Variants in PCDH15 observed in about 807,000 individuals in gnomAD.
PCDH15 encodes the protein protocadherin related 15.
PCDH15 carries 129 observed loss-of-function variants against 178.5 expected under a neutral mutation model. The ratio of observed to expected loss-of-function variants is 0.72; its 90% confidence interval spans 0.63 to 0.84. The LOEUF (loss-of-function observed/expected upper bound fraction) is 0.84. PCDH15 is among the 40% of genes least tolerant of loss of function. PCDH15 has a pLI of 0.00. For synonymous variants in PCDH15, 800 were observed against 732.0 expected, an observed-to-expected ratio of 1.09 and a Z score of -1.50; for missense variants, 2,230 against 2,099.9, an observed-to-expected ratio of 1.06 and a Z score of -1.21.
chr10:55,212,316 T>C lies in PCDH15; in HGVS notation c.-155-45665A>G, dbSNP rs146523240. 3.0e-3 allele frequency among the ~76,000 whole-genome samples: 451 copies of C among 151,266 alleles called. 8 individuals carry two copies. The highest frequency in any genetic ancestry group is 0.01 in the African/African-American group (417 of 41,152). On this transcript the variant is annotated intron_variant, in intron 1 of 5. Transcript: ENST00000458638. The stretch of plus-strand genomic sequence containing the variant: ...GAGACATCACCTCTTCACCAGCTCA[T>C]CTATAAAAGCTGCTTCATTTTACTG...
chr10:54,236,421 C>T (rs1227708705), intron 9 of PCDH15, among the ~76,000 whole-genome samples: 1 of 151,744 alleles, frequency 6.6e-6, no homozygotes, highest in African/African-American at 2.4e-5. Context: ...TTTTTAAATT[C>T]AGTCATATAT....
At chr10:54,252,713 G>A (rs1221509951) in intron 8 of PCDH15, among the ~76,000 whole-genome samples, 1 of 151,536 alleles carries the variant, frequency 6.6e-6, no homozygotes, top group East Asian at 1.9e-4. Context: ...AATTTACAAC[G>A]ATTCATATAT....
rs116454178 is a variant in PCDH15, at chr10:55,342,144, T to A, written c.-155-175493A>T. Among the ~76,000 whole-genome samples the A allele has an allele frequency of 5.2e-3, 786 of 151,832 alleles. 11 individuals are homozygous for A. The highest frequency in any genetic ancestry group is 0.018 in the African/African-American group (739 of 41,526). On this transcript the variant is annotated intron_variant, in intron 2 of 5. Transcript: ENST00000613346. ...TTTATTTTCCCTGAATCAATTTTTT[T>A]AATATTTCTTTTTAGTAGCATTGTT...
At chr10:55,377,509 T>G (rs541882632) in intron 2 of PCDH15, among the ~76,000 whole-genome samples, 1 of 152,098 alleles carries the variant, frequency 6.6e-6, no homozygotes, top group Admixed American at 6.6e-5. Context: ...TTTTTATATT[T>G]AGTAAAATAG....
chr10:55,477,562 T>C (rs190685433), intron 2 of PCDH15, among the ~76,000 whole-genome samples: 114 of 152,080 alleles, frequency 7.5e-4, no homozygotes, highest in African/African-American at 2.6e-3. Flanking sequence ...CTTCTATCTC[T>C]GTGGATTATA....
At chr10:54,550,437 C>A (rs1014262047) in intron 2 of PCDH15, among the ~76,000 whole-genome samples, 1 of 151,870 alleles carries the variant, frequency 6.6e-6, no homozygotes, top group Non-Finnish European at 1.5e-5. Flanking sequence ...CCATTATTTT[C>A]TTGAGCCAGT....
intron 1 of PCDH15, among the ~76,000 whole-genome samples, chr10:54,736,856 C>A (rs1160268616): frequency 6.6e-6 from 1 of 152,054 alleles, no homozygotes; most frequent in Non-Finnish European, 1.5e-5. Context: ...GTCAATATGA[C>A]AATGCATTAC....
chr10:54,776,344 G>A (rs753264358), intron 1 of PCDH15, among the ~76,000 whole-genome samples: 32 of 151,996 alleles, frequency 2.1e-4, no homozygotes, highest in Non-Finnish European at 3.8e-4. Context: ...CATCAAACTG[G>A]TTGATAAAAT....
chr10:54,145,213 T>A lies in PCDH15; in HGVS notation c.1784+7887A>T, dbSNP rs2043788911. Among the ~76,000 whole-genome samples, 6 of 152,116 alleles carry A rather than the reference T, an allele frequency of 3.9e-5. No individual in the cohort carries two copies. The South Asian group carries it at 1.2e-3, about 31-fold the overall frequency. The stretch of plus-strand genomic sequence containing the variant: ...ATTATAAAAAGACAACTTTTTCATA[T>A]GACAATAGTAATTAGTAGTAATGAG... On this transcript the variant is annotated intron_variant, in intron 14 of 37. Coordinates refer to ENST00000644397, the MANE Select transcript of PCDH15 (RefSeq NM_001384140.1).
intron 14 of PCDH15, among the ~76,000 whole-genome samples, chr10:54,134,365 A>G (rs2042700919): frequency 6.6e-6 from 1 of 151,650 alleles, no homozygotes; most frequent in Non-Finnish European, 1.5e-5. Flanking sequence ...AAGTAGTCCC[A>G]AACTCTTTAT....
chr10:54,527,990 T>A (rs1215907380), intron 2 of PCDH15, 113 bp from the exon 3 acceptor site: 5 of 779,240 alleles, frequency 6.4e-6, no homozygotes, highest in Non-Finnish European at 8.8e-6. Flanking sequence ...TGCAATCTAA[T>A]TAATATGCAT....
chr10:55,035,264 T>C (rs1922165), intron 2 of PCDH15, among the ~76,000 whole-genome samples: 86,739 of 151,926 alleles, frequency 0.57, 25,100 homozygotes, highest in East Asian at 0.75. Flanking sequence ...ATTATTTTTG[T>C]ATGCAATTAG....
At position 55,020,892 on chromosome 10, in the gene PCDH15, G is replaced by A. The variant is rs117013159; in HGVS notation, c.-79-123392C>T. Among the ~76,000 whole-genome samples the A allele has an allele frequency of 2.6e-5, 4 of 152,256 alleles. 1 individual carries two copies. In the East Asian group the frequency reaches 7.7e-4, roughly 29 times the overall value. ...GCCCACCTCCCACAAATGCATATCT[G>A]ACTGTACCCCTTGCCCTATTATCTA... On this transcript the variant is annotated intron_variant, in intron 2 of 5. Transcript: ENST00000458638.
chr10:54,950,253 C>T (rs1299678099), intron 2 of PCDH15, among the ~76,000 whole-genome samples: 1 of 151,924 alleles, frequency 6.6e-6, no homozygotes, highest in African/African-American at 2.4e-5. Flanking sequence ...AAGGCATCTT[C>T]TTCACAAGGC....
chr10:55,613,599 G>A (rs1843415217), intron 2 of PCDH15, among the ~76,000 whole-genome samples: 1 of 152,146 alleles, frequency 6.6e-6, no homozygotes, highest in East Asian at 1.9e-4. Context: ...TGATAATGGT[G>A]ACAATGATCC....
intron 3 of PCDH15, among the ~76,000 whole-genome samples, chr10:54,419,243 T>TACACAC (rs146831797): frequency 1.4e-3 from 212 of 150,654 alleles, no homozygotes; most frequent in Admixed American, 2.5e-3. Flanking sequence ...CATATATACA[T>TACACAC]ACACACACAC....
chr10:54,690,352 C>T (rs1250334722), intron 1 of PCDH15, among the ~76,000 whole-genome samples: 1 of 147,250 alleles, frequency 6.8e-6, no homozygotes, highest in African/African-American at 2.5e-5. Flanking sequence ...GCTCTGTTGC[C>T]AGGCTGGGCT....
At chr10:55,537,817 C>T (rs1005031610) in intron 2 of PCDH15, among the ~76,000 whole-genome samples, 1 of 152,116 alleles carries the variant, frequency 6.6e-6, no homozygotes, top group Non-Finnish European at 1.5e-5. Context: ...TTAAAACAAC[C>T]TTTCAGAGAT....
chr10:55,395,656 G>A (rs550820745), intron 2 of PCDH15, among the ~76,000 whole-genome samples: 25 of 152,120 alleles, frequency 1.6e-4, no homozygotes, highest in Non-Finnish European at 3.1e-4. Context: ...GCAACTTCAA[G>A]CAGGTAAGCA....
Sources: gnomAD v4.1 joint callset for allele counts (sites outside exome capture counted in the v4.1 genomes callset) on GRCh38, gnomAD v4.1.1 for gene constraint, MANE v1.5 for transcripts, NCBI Gene and HGNC (gene_info 2026-07-23, HGNC 2026-07-21) for gene names.